The following GNA11 variants were observed in gnomAD, a reference collection of about 807,000 sequenced individuals.
The protein encoded by GNA11 is guanine nucleotide-binding protein subunit alpha-11.
Under a neutral mutation model 38.2 loss-of-function variants are expected in GNA11, and 8 were observed. That is an observed-to-expected ratio of 0.21 (90% CI 0.12 to 0.38). The LOEUF (loss-of-function observed/expected upper bound fraction) is 0.38, where lower values mean the gene tolerates loss of function less well. GNA11 is among the 10% of genes least tolerant of loss of function. The pLI is 1.00. For missense variants in GNA11, 268 were observed against 516.3 expected, an observed-to-expected ratio of 0.52 and a Z score of 4.66; for synonymous variants, 211 against 221.4, an observed-to-expected ratio of 0.95 and a Z score of 0.42.
chr19:3,099,001 G>A (rs1396624306), intron 1 of GNA11, among the ~76,000 whole-genome samples: 1 of 152,216 alleles, frequency 6.6e-6, no homozygotes, highest in Non-Finnish European at 1.5e-5. Flanking sequence ...GCTTCCTCCC[G>A]AGCCTCCTGC....
rs981667593 is a variant in GNA11, at chr19:3,108,093, C to T, written c.137-2056C>T. Among the ~76,000 whole-genome samples the T allele has an allele frequency of 5.3e-5, 8 of 152,176 alleles. No homozygotes were observed. The highest frequency in any genetic ancestry group is 7.2e-5 in the African/African-American group (3 of 41,438). On this transcript the variant is annotated intron_variant, in intron 1 of 6. Coordinates refer to ENST00000078429, the MANE Select transcript of GNA11 (RefSeq NM_002067.5). This position sits in a 1 kb window ranked among gnomAD's most constrained non-coding sequence, Gnocchi z 4.5. The stretch of plus-strand genomic sequence containing the variant: ...AGTACTGGGGAGAGGCAGCTGCCAC[C>T]GGGGCTCCCCACTCGGGATGTGTTG...
rs892784697 is a variant in GNA11 at position 3,108,519 on chromosome 19, G to A, written c.137-1630G>A. ...TTCAGAGACACAGGGTGGTGAAGGC[G>A]AGCCTGGAGAAGTGGGCTGGGGGCA... On this transcript the variant is annotated intron_variant, in intron 1 of 6. Coordinates refer to ENST00000078429, the MANE Select transcript of GNA11 (RefSeq NM_002067.5). The surrounding 1 kb of genome is among the most constrained non-coding windows in gnomAD (Gnocchi z 4.5). 2.6e-5 allele frequency among the ~76,000 whole-genome samples: 4 copies of A among 151,836 alleles called. No homozygotes were observed. The highest frequency in any genetic ancestry group is 4.8e-5 in the African/African-American group (2 of 41,288).
chr19:3,119,146 C>T lies in GNA11; in HGVS notation c.736-60C>T, dbSNP rs2145326718. On this transcript the variant is annotated intron_variant, in intron 5 of 6. Transcript: ENST00000078429. The surrounding 1 kb of genome is among the most constrained non-coding windows in gnomAD (Gnocchi z 4.6). ...CCTCACCTGGGTCCCCCCAGCTGCC[C>T]CTTGGGCTGTGTGCAGTGGGGAGGG... 6.2e-7 allele frequency: 1 copy of T among 1,607,276 alleles called. No homozygotes were observed. The highest frequency in any genetic ancestry group is 8.5e-7 in the Non-Finnish European group (1 of 1,175,078).
chr19:3,103,792 C>T (rs1325722012), intron 1 of GNA11, among the ~76,000 whole-genome samples: 2 of 151,852 alleles, frequency 1.3e-5, no homozygotes, highest in African/African-American at 2.4e-5. Context: ...CAAGCTCCGC[C>T]TCCTGATTCA....
Position 3,119,005 on chromosome 19 carries a change from C to T in GNA11, c.687C>T (p.Leu229=), listed in dbSNP as rs199749164. 3.5e-4 allele frequency: 557 copies of T among 1,613,786 alleles called. No individual in the cohort carries two copies. Among genetic ancestry groups the T allele is most frequent in the East Asian group, 6.9e-4 (31 of 44,880 alleles). The change falls in exon 5 of 7, where the codon CTC becomes CTT. Residue 229 remains leucine (L), a synonymous_variant. Transcript: ENST00000078429. This position sits in a 1 kb window ranked among gnomAD's most constrained non-coding sequence, Gnocchi z 4.6. ...CFENVTSIMF[L]VALSEYDQVL... is the part of the protein sequence containing the mutation. The stretch of plus-strand genomic sequence containing the variant: ...AGAACGTGACATCCATCATGTTTCT[C>T]GTCGCCCTCAGCGAATACGACCAAG...
At position 3,119,368 on chromosome 19, in the gene GNA11, G is replaced by A. The variant is rs774595715; in HGVS notation, c.889+9G>A. The A allele has an allele frequency of 2.5e-6, 4 of 1,608,748 alleles. No homozygotes were observed. The Admixed American group carries it at 6.7e-5, about 27-fold the overall frequency. On this transcript the variant is annotated intron_variant, in intron 6 of 6. Coordinates refer to ENST00000078429, the MANE Select transcript of GNA11 (RefSeq NM_002067.5). The surrounding 1 kb of genome is among the most constrained non-coding windows in gnomAD (Gnocchi z 4.6). ...CTTCCCCGAGTTCGATGGTGCGCCG[G>A]GCTGCGGCATGGGGAGGGGCTCGCG...
chr19:3,113,288 G>A, intron 2 of GNA11, 42 bp from the exon 3 acceptor site: 2 of 1,594,464 alleles, frequency 1.3e-6, no homozygotes, highest in Non-Finnish European at 1.7e-6. Flanking sequence ...TGGATGTGTG[G>A]CCCCAGCGAG....
chr19:3,113,218 C>A, intron 2 of GNA11, 112 bp from the exon 3 acceptor site: 1 of 983,818 alleles, frequency 1.0e-6, no homozygotes, highest in Non-Finnish European at 1.6e-6. Flanking sequence ...ACTGCACAGC[C>A]TGCGGAATGC....
Position 3,121,435 on chromosome 19 carries a change from C to G in GNA11, c.*256C>G. 1 of 302,948 alleles carries G rather than the reference C, an allele frequency of 3.3e-6. No homozygotes were observed. 18.8% of individuals were successfully genotyped at this position (302,948 alleles called of 1,614,324 possible). ...AAAGGCAGCCTTTTTCTGGCCTTGA[C>G]TTATGGCTCGCTTTTTTCTAAAAAA... On this transcript the variant is annotated 3_prime_UTR_variant, in exon 7 of 7. Transcript: ENST00000078429.
chr19:3,098,615 T>G (rs1402490999), intron 1 of GNA11, among the ~76,000 whole-genome samples: 1 of 152,244 alleles, frequency 6.6e-6, no homozygotes, highest in Admixed American at 6.5e-5. Flanking sequence ...GGAGGCTTCC[T>G]GTCCGGCCTG....
At chr19:3,096,161 C>T (rs190370174) in intron 1 of GNA11, among the ~76,000 whole-genome samples, 1 of 152,296 alleles carries the variant, frequency 6.6e-6, no homozygotes, top group African/African-American at 2.4e-5. Context: ...CTGCCGTGAG[C>T]CTCTTAGGGC....
intron 1 of GNA11, among the ~76,000 whole-genome samples, chr19:3,098,732 C>T (rs759268734): frequency 1.3e-5 from 2 of 152,198 alleles, no homozygotes; most frequent in Non-Finnish European, 2.9e-5. Flanking sequence ...AGGCGTGGAG[C>T]GTGGCCTCTG....
At position 3,110,180 on chromosome 19, in the gene GNA11, C is replaced by T. The variant is rs2145315472; in HGVS notation, c.168C>T (p.Ile56=). The T allele has an allele frequency of 6.2e-7, 1 of 1,612,758 alleles. No homozygotes were observed. Among genetic ancestry groups the T allele is most frequent in the Non-Finnish European group, 8.5e-7 (1 of 1,179,520 alleles). ...GTGESGKSTF[I]KQMRIIHGAG... ...GCGAGAGCGGGAAGAGCACGTTCAT[C>T]AAGCAGATGCGCATCATCCACGGCG... Residue 56 remains isoleucine (I), a synonymous_variant, in exon 2 of 7, where the codon ATC becomes ATT. Transcript: ENST00000078429. The surrounding 1 kb of genome is among the most constrained non-coding windows in gnomAD (Gnocchi z 5.4).
intron 1 of GNA11, among the ~76,000 whole-genome samples, chr19:3,105,929 G>A (rs1016907537): frequency 7.9e-5 from 12 of 152,208 alleles, no homozygotes; most frequent in African/African-American, 2.9e-4. Flanking sequence ...GGGCCGGCAA[G>A]GGGCTGTGGA....
rs1220448139 is a variant in GNA11, at chr19:3,119,017, C to T, written c.699C>T (p.Ser233=). The T allele has an allele frequency of 2.5e-6, 4 of 1,613,862 alleles. No homozygotes were observed. The highest frequency in any genetic ancestry group is 3.4e-6 in the Non-Finnish European group (4 of 1,179,862). Residue 233 remains serine (S), a synonymous_variant, in exon 5 of 7, where the codon AGC becomes AGT. Coordinates refer to ENST00000078429, the MANE Select transcript of GNA11 (RefSeq NM_002067.5). The surrounding 1 kb of genome is among the most constrained non-coding windows in gnomAD (Gnocchi z 4.6). The part of the protein sequence containing the change: ...VTSIMFLVAL[S]EYDQVLVESD... ...CCATCATGTTTCTCGTCGCCCTCAG[C>T]GAATACGACCAAGTCCTGGTGGAGT...
chr19:3,106,716 C>T (rs964986095), intron 1 of GNA11, among the ~76,000 whole-genome samples: 1 of 152,228 alleles, frequency 6.6e-6, no homozygotes, highest in Non-Finnish European at 1.5e-5. Context: ...TGTGCGTGCA[C>T]CATGCACGTG....
Position 3,108,739 on chromosome 19 carries a change from G to A in GNA11, c.137-1410G>A, listed in dbSNP as rs1913695516. On this transcript the variant is annotated intron_variant, in intron 1 of 6. Transcript: ENST00000078429. The surrounding 1 kb of genome is among the most constrained non-coding windows in gnomAD (Gnocchi z 4.5). The stretch of plus-strand genomic sequence containing the variant: ...CAGATAGTTTCTGAGGGTTGGGAAT[G>A]TGGGAGCACTTTGTTGAGTGATCCT... 6.6e-6 allele frequency among the ~76,000 whole-genome samples: 1 copy of A among 152,252 alleles called. No homozygotes were observed. Among genetic ancestry groups the A allele is most frequent in the Admixed American group, 6.5e-5 (1 of 15,286 alleles).
In GNA11 at chr19:3,123,600, C is replaced by A. The variant is rs1415721443; in HGVS notation, c.*2421C>A. 4 of 233,038 alleles carry A rather than the reference C, an allele frequency of 1.7e-5. No homozygotes were observed. The highest frequency in any genetic ancestry group is 3.4e-5 in the Non-Finnish European group (4 of 117,954). The allele number at this position is 233,038 out of a possible 1,614,324, so 14.4% of individuals were successfully genotyped here. Reference sequence around the variant, plus strand: ...CGACCATGTTACGCCCGGGCGGCAGCAGCCCCCGGCCACTGCAAACCCATG... The same window carrying A: ...CGACCATGTTACGCCCGGGCGGCAGAAGCCCCCGGCCACTGCAAACCCATG... On this transcript the variant is annotated 3_prime_UTR_variant, in exon 7 of 7. Coordinates refer to ENST00000078429, the MANE Select transcript of GNA11 (RefSeq NM_002067.5).
At chr19:3,105,432 A>G (rs1379317119) in intron 1 of GNA11, among the ~76,000 whole-genome samples, 1 of 149,404 alleles carries the variant, frequency 6.7e-6, no homozygotes, top group Admixed American at 6.7e-5. Flanking sequence ...TTCCTGGTAC[A>G]TAGACAGCGG....
Sources: allele counts gnomAD v4.1 joint callset (sites outside exome capture counted in the v4.1 genomes callset), GRCh38; gene constraint gnomAD v4.1.1; non-coding constraint Gnocchi (gnomAD v3.1); transcripts MANE v1.5; gene names NCBI Gene and HGNC (gene_info 2026-07-23, HGNC 2026-07-21).